DLGAP5: variants seen among roughly 807,000 people sequenced by gnomAD.
DLGAP5 encodes DLG associated protein 5, also known as disks large-associated protein 5.
Under a neutral mutation model 99.6 loss-of-function variants are expected in DLGAP5, and 90 were observed. The ratio of observed to expected loss-of-function variants is 0.90; its 90% CI spans 0.76 to 1.08. The LOEUF (loss-of-function observed/expected upper bound fraction) is 1.08, where lower values mean the gene tolerates loss of function less well. Among genes scored for constraint, DLGAP5 ranks in the 50% least tolerant of loss-of-function variants. The pLI is 0.00. For synonymous variants in DLGAP5, 311 were observed against 321.3 expected (o/e 0.97, Z 0.34); for missense variants, 1,036 against 983.5 (o/e 1.05, Z -0.71).
chr14:55,155,539 G>T (rs1473443677), intron 14 of DLGAP5, among the ~76,000 whole-genome samples: 1 of 148,746 alleles, frequency 6.7e-6, no homozygotes, highest in Non-Finnish European at 1.5e-5. Context: ...GTAGAGATGA[G>T]GTTTCACCAT....
At chr14:55,165,877 G>A (rs186632794) in intron 12 of DLGAP5, among the ~76,000 whole-genome samples, 3 of 152,230 alleles carry the variant, frequency 2.0e-5, no homozygotes, top group South Asian at 4.1e-4. Flanking sequence ...TGCTGATAAG[G>A]GGGGGCTACT....
intron 6 of DLGAP5, 126 bp downstream of exon 6, chr14:55,180,530 G>A (rs1883233504): frequency 1.5e-6 from 2 of 1,316,684 alleles, no homozygotes; most frequent in East Asian, 4.7e-5. Flanking sequence ...TCTATTTTCA[G>A]GTATTAGAAT....
intron 14 of DLGAP5, among the ~76,000 whole-genome samples, chr14:55,155,732 TA>T (rs1292138158): frequency 6.6e-6 from 1 of 152,156 alleles, no homozygotes; most frequent in African/African-American, 2.4e-5. Context: ...TTGGAAGCTA[TA>T]ATGTAGATTG....
rs1882160513 is a variant in DLGAP5 at position 55,155,068 on chromosome 14, G to C, written c.1874-262C>G. Among the ~76,000 whole-genome samples, 5 of 152,164 alleles carry C rather than the reference G, an allele frequency of 3.3e-5. No homozygotes were observed. The South Asian group carries it at 1.0e-3, about 32-fold the overall frequency. Reference sequence around the variant, plus strand: ...GACAGAGTCTTACACTGTCACCCAGGCTGGAGTGCAGTGGTGTGATCTCTC... The same window carrying C: ...GACAGAGTCTTACACTGTCACCCAGCCTGGAGTGCAGTGGTGTGATCTCTC... On this transcript the variant is annotated intron_variant, in intron 14 of 18. Transcript: ENST00000247191.
At chr14:55,179,228 G>C (rs1158471809) in intron 7 of DLGAP5, among the ~76,000 whole-genome samples, 1 of 147,954 alleles carries the variant, frequency 6.8e-6, no homozygotes, top group East Asian at 1.9e-4. Flanking sequence ...AATAAGAAAA[G>C]AAGCTCATAA....
At chr14:55,181,429 AC>A in intron 4 of DLGAP5, 132 bp from the exon 5 acceptor site, 1 of 606,584 alleles carries the variant, frequency 1.6e-6, no homozygotes, top group East Asian at 3.2e-5. Flanking sequence ...ACAAAAAACT[AC>A]CCCAAATAAA....
In DLGAP5 at chr14:55,182,131, TAAACA is replaced by T. The variant is rs1831244488; in HGVS notation, c.495+234_495+238del. On this transcript the variant is annotated intron_variant, in intron 4 of 18. Coordinates refer to ENST00000247191, the MANE Select transcript of DLGAP5 (RefSeq NM_014750.5). ...CTTGGAATGCATAATAGGAGCCCAC[TAAACA>T]AAACAAGAGTGTGACACAAAGACAG... 2.0e-5 allele frequency among the ~76,000 whole-genome samples: 3 copies of T among 152,186 alleles called. No homozygotes were observed. In the South Asian group the frequency reaches 6.2e-4, roughly 31 times the overall value.
intron 8 of DLGAP5, among the ~76,000 whole-genome samples, chr14:55,176,555 T>C (rs1883067228): frequency 6.6e-6 from 1 of 152,162 alleles, no homozygotes; most frequent in Non-Finnish European, 1.5e-5. Context: ...TAACAATGCA[T>C]AGGAAATATA....
rs1232880524 is a variant in DLGAP5, at chr14:55,148,212, C to A, written c.*139G>T. 3 of 856,924 alleles carry A rather than the reference C, an allele frequency of 3.5e-6. No individual in the cohort carries two copies. The highest frequency in any genetic ancestry group is 6.5e-4 in the Middle Eastern group (2 of 3,078). 53.1% of individuals were successfully genotyped at this position (856,924 alleles called of 1,614,324 possible). On this transcript the variant is annotated 3_prime_UTR_variant, in exon 19 of 19. Transcript: ENST00000247191. Reference sequence around the variant, plus strand: ...CTTGAGAAAGAGTATATCTAAAATACACTTTGATGAACACAGAATATTAAA... The same window carrying A: ...CTTGAGAAAGAGTATATCTAAAATAAACTTTGATGAACACAGAATATTAAA...
intron 9 of DLGAP5, 89 bp downstream of exon 9, chr14:55,175,805 A>T (rs947885452): frequency 1.9e-5 from 22 of 1,157,916 alleles, no homozygotes; most frequent in Non-Finnish European, 2.6e-5. Context: ...AATCCAGAAA[A>T]GTAAAAATGT....
chr14:55,169,360 A>G (rs1566500750), intron 12 of DLGAP5, 39 bp downstream of exon 12: 5 of 1,285,352 alleles, frequency 3.9e-6, no homozygotes, highest in Admixed American at 6.0e-5. Context: ...AAAAAAAAAA[A>G]GCCCTAAGTT....
intron 12 of DLGAP5, among the ~76,000 whole-genome samples, chr14:55,166,839 TATC>T (rs1418842935): frequency 6.6e-6 from 1 of 152,028 alleles, no homozygotes; most frequent in African/African-American, 2.4e-5. Context: ...GAATGAATTT[TATC>T]ATATGTAAAT....
At chr14:55,176,099 T>A in intron 8 of DLGAP5, 81 bp from the exon 9 acceptor site, 1 of 1,261,950 alleles carries the variant, frequency 7.9e-7, no homozygotes, top group South Asian at 1.9e-5. Context: ...TTGTGTCACT[T>A]GTAGATCTGG....
chr14:55,169,271 G>GTATAACATTTTATTTAATATTACAT (rs2140316895), intron 12 of DLGAP5, 128 bp downstream of exon 12: 1 of 503,308 alleles, frequency 2.0e-6, no homozygotes, highest in East Asian at 3.5e-5. Context: ...TTATCAAAGT[G>GTATAACATTTTATTTAATATTACAT]CTTTATAACA....
intron 10 of DLGAP5, among the ~76,000 whole-genome samples, chr14:55,174,522 T>C (rs1446109469): frequency 1.3e-5 from 2 of 152,168 alleles, no homozygotes; most frequent in South Asian, 2.1e-4. Flanking sequence ...TTTTTGCAGC[T>C]TGTGGGGCAT....
At chr14:55,153,823 C>T (rs190269943) in intron 15 of DLGAP5, among the ~76,000 whole-genome samples, 63 of 152,066 alleles carry the variant, frequency 4.1e-4, no homozygotes, top group African/African-American at 1.5e-3. Context: ...TTTGGGAGGC[C>T]AAGGCTGGCA....
intron 12 of DLGAP5, among the ~76,000 whole-genome samples, chr14:55,164,914 T>C (rs1882584439): frequency 8.6e-6 from 1 of 116,258 alleles, no homozygotes; most frequent in African/African-American, 4.5e-5. Context: ...AGAGTGAGAC[T>C]CTGTCTCAAA....
Position 55,179,624 on chromosome 14 carries a change from T to A in DLGAP5, c.774+5A>T. 6.2e-7 allele frequency: 1 copy of A among 1,608,366 alleles called. No homozygotes were observed. The highest frequency in any genetic ancestry group is 8.5e-7 in the Non-Finnish European group (1 of 1,177,168). On this transcript the variant is annotated splice_donor_5th_base_variant and intron_variant, in intron 7 of 18. Coordinates refer to ENST00000247191, the MANE Select transcript of DLGAP5 (RefSeq NM_014750.5). ...TCTAGAATTAAAAAGATGTTTATTC[T>A]CTACCTTGTCGGGTTTTGTTTCTAC...
rs746217773 is a variant in DLGAP5 at position 55,151,992 on chromosome 14, C to G, written c.2122-51G>C. On this transcript the variant is annotated intron_variant, in intron 16 of 18. Transcript: ENST00000247191. The stretch of plus-strand genomic sequence containing the variant: ...TAATTATCAATTTAATTACTTGGAA[C>G]AAATTTTAAAAGTCTTGTTGCTATT... The G allele has an allele frequency of 8.3e-6, 13 of 1,558,314 alleles. No homozygotes were observed. The South Asian group carries it at 1.5e-4, about 18-fold the overall frequency.
Sources: gnomAD v4.1 joint callset for allele counts (sites outside exome capture counted in the v4.1 genomes callset) on GRCh38, gnomAD v4.1.1 for gene constraint, MANE v1.5 for transcripts, NCBI Gene and HGNC (gene_info 2026-07-23, HGNC 2026-07-21) for gene names.